The following ZNF892 variants were observed in gnomAD, a reference collection of about 807,000 sequenced individuals.
ZNF892 encodes zinc finger protein 570-like.
At chr2:95,225,926 C>T in the ZNF892 span, among the ~76,000 whole-genome samples, 3 of 152,210 alleles carry the variant, frequency 2.0e-5, no homozygotes, top group South Asian at 6.2e-4. Flanking sequence ...AGATCCTAAG[C>T]AAGTCCACTC....
the ZNF892 span, among the ~76,000 whole-genome samples, chr2:95,232,750 A>G: frequency 7.5e-5 from 2 of 26,828 alleles, no homozygotes; most frequent in African/African-American, 4.7e-4. Context: ...GTTACTTAGC[A>G]CATGTTTGTA....
the ZNF892 span, among the ~76,000 whole-genome samples, chr2:95,240,119 A>G: frequency 6.9e-6 from 1 of 144,226 alleles, no homozygotes. Context: ...TTCAAGGTTG[A>G]AAAAAAAAAA....
chr2:95,256,525 T>G, the ZNF892 span, among the ~76,000 whole-genome samples: 2 of 152,226 alleles, frequency 1.3e-5, no homozygotes, highest in Non-Finnish European at 2.9e-5. Flanking sequence ...CATTTCAACT[T>G]TGGTGAATCT....
the ZNF892 span, among the ~76,000 whole-genome samples, chr2:95,226,088 G>C: frequency 6.6e-6 from 1 of 152,132 alleles, no homozygotes; most frequent in African/African-American, 2.4e-5. Flanking sequence ...AGGCCTAGTG[G>C]GGGACTTTAT....
the ZNF892 span, among the ~76,000 whole-genome samples, chr2:95,230,565 T>C: frequency 6.6e-6 from 1 of 152,190 alleles, no homozygotes; most frequent in Admixed American, 6.5e-5. Context: ...CTGGTAGCTG[T>C]CTGCATTGGG....
chr2:95,224,659 A>G, the ZNF892 span, among the ~76,000 whole-genome samples: 1 of 152,188 alleles, frequency 6.6e-6, no homozygotes, highest in Non-Finnish European at 1.5e-5. Flanking sequence ...CACCTCCAAC[A>G]TTGAGGATTA....
chr2:95,215,271 G>A, the ZNF892 span: 1 of 479,370 alleles, frequency 2.1e-6, no homozygotes, highest in African/African-American at 2.0e-5. Context: ...GACTCACACT[G>A]GGGAGAAACC....
At chr2:95,222,374 A>G in the ZNF892 span, among the ~76,000 whole-genome samples, 1 of 152,234 alleles carries the variant, frequency 6.6e-6, no homozygotes, top group Non-Finnish European at 1.5e-5. Context: ...GTTAGGTCAT[A>G]TGGTGAGTGT....
At chr2:95,230,788 G>T in the ZNF892 span, among the ~76,000 whole-genome samples, 1 of 152,192 alleles carries the variant, frequency 6.6e-6, no homozygotes, top group Non-Finnish European at 1.5e-5. Context: ...AGCTCTGGGG[G>T]TTGCTCTTAT....
chr2:95,229,746 ATAAGTGC>A, the ZNF892 span, among the ~76,000 whole-genome samples: 279 of 152,294 alleles, frequency 1.8e-3, no homozygotes, highest in Middle Eastern at 3.4e-3. Flanking sequence ...TCTCATGAAT[ATAAGTGC>A]TATGAACATT....
At chr2:95,215,124 A>G in the ZNF892 span, 3 of 489,008 alleles carry the variant, frequency 6.1e-6, no homozygotes, top group Non-Finnish European at 1.1e-5. Context: ...TTATAAGTGT[A>G]ACGAATGTGG....
the ZNF892 span, chr2:95,259,004 CG>C: frequency 6.6e-6 from 1 of 152,116 alleles, no homozygotes; most frequent in African/African-American, 2.4e-5. Flanking sequence ...CAAGGAGAAG[CG>C]ATTGCAGAGA....
the ZNF892 span, among the ~76,000 whole-genome samples, chr2:95,224,463 C>T: frequency 6.6e-6 from 1 of 152,072 alleles, no homozygotes; most frequent in Admixed American, 6.6e-5. Flanking sequence ...CTGGGGAGGC[C>T]TCAGGGAGCT....
At chr2:95,218,005 G>A in the ZNF892 span, among the ~76,000 whole-genome samples, 1 of 152,134 alleles carries the variant, frequency 6.6e-6, no homozygotes, top group African/African-American at 2.4e-5. Flanking sequence ...GGTTCTGTAG[G>A]ATCTAAGAAG....
chr2:95,243,778 C>T, the ZNF892 span, among the ~76,000 whole-genome samples: 3 of 152,010 alleles, frequency 2.0e-5, no homozygotes, highest in Non-Finnish European at 2.9e-5. Flanking sequence ...GGCGCCTCAG[C>T]CCGGCCGCCC....
chr2:95,247,252 T>C, the ZNF892 span, among the ~76,000 whole-genome samples: 4 of 152,076 alleles, frequency 2.6e-5, no homozygotes, highest in Admixed American at 6.5e-5. Context: ...AAATAAGCAA[T>C]GGGGAAAGGA....
the ZNF892 span, among the ~76,000 whole-genome samples, chr2:95,243,423 G>A: frequency 3.3e-5 from 5 of 151,620 alleles, no homozygotes; most frequent in Admixed American, 6.6e-5. Flanking sequence ...CTTCCCGGCC[G>A]CCATCCCATC....
the ZNF892 span, among the ~76,000 whole-genome samples, chr2:95,243,705 T>C: frequency 6.7e-6 from 1 of 149,604 alleles, no homozygotes; most frequent in African/African-American, 2.5e-5. Context: ...AGCCACCCTG[T>C]CCGGGAGGGA....
the ZNF892 span, among the ~76,000 whole-genome samples, chr2:95,255,486 G>C: frequency 2.0e-5 from 3 of 152,260 alleles, no homozygotes; most frequent in Admixed American, 1.3e-4. Flanking sequence ...GCTGAGGAGT[G>C]CTTTACTTCC....
Sources: gnomAD v4.1 joint callset for allele counts (sites outside exome capture counted in the v4.1 genomes callset) on GRCh38, gnomAD v4.1.1 for gene constraint, MANE v1.5 for transcripts, NCBI Gene and HGNC (gene_info 2026-07-23, HGNC 2026-07-21) for gene names.